Variants in PPP2R5C observed in about 807,000 individuals in gnomAD.
PPP2R5C encodes protein phosphatase 2 regulatory subunit B'gamma, also known as serine/threonine-protein phosphatase 2A 56 kDa regulatory subunit gamma isoform.
A neutral mutation model predicts 68.9 loss-of-function variants in PPP2R5C; 7 were observed. The ratio of observed to expected loss-of-function variants is 0.10; its 90% CI spans 0.06 to 0.19. The LOEUF is 0.19. Ranked by LOEUF, PPP2R5C falls within the 10% of genes least tolerant of loss-of-function variation. PPP2R5C has a pLI of 1.00. For synonymous variants in PPP2R5C, 210 were observed against 222.2 expected, an observed-to-expected ratio of 0.95 and a Z score of 0.49; for missense variants, 348 against 641.3, an observed-to-expected ratio of 0.54 and a Z score of 4.94.
Position 101,825,842 on chromosome 14 carries a change from G to A in PPP2R5C, c.94+15806G>A, listed in dbSNP as rs893597201. Among the ~76,000 whole-genome samples, 13 of 152,252 alleles carry A rather than the reference G, an allele frequency of 8.5e-5. No individual in the cohort carries two copies. Among genetic ancestry groups the A allele is most frequent in the African/African-American group, 2.9e-4 (12 of 41,546 alleles). On this transcript the variant is annotated intron_variant, in intron 1 of 13. Coordinates refer to ENST00000334743, the Ensembl canonical transcript of PPP2R5C. The surrounding 1 kb of genome is among the most constrained non-coding windows in gnomAD (Gnocchi z 4.0). ...TAAGGGAAATTTAAGAAGGAAGTTG[G>A]GGAAGGTAGGACCTCATGGCTTTGG...
At chr14:101,798,182 A>T (rs1385367434) in intron 3 of PPP2R5C, among the ~76,000 whole-genome samples, 1 of 151,188 alleles carries the variant, frequency 6.6e-6, no homozygotes, top group Non-Finnish European at 1.5e-5. Context: ...TGGCCAGCGC[A>T]GTGTGAGTGC....
intron 11 of PPP2R5C, among the ~76,000 whole-genome samples, chr14:101,911,462 A>C (rs2046386909): frequency 6.6e-6 from 1 of 152,230 alleles, no homozygotes; most frequent in Non-Finnish European, 1.5e-5. Context: ...CTCAGCTCTC[A>C]GTGCAGTTCG....
intron 2 of PPP2R5C, among the ~76,000 whole-genome samples, chr14:101,768,228 G>A (rs2036958791): frequency 6.6e-6 from 1 of 152,096 alleles, no homozygotes; most frequent in African/African-American, 2.4e-5. Context: ...GCACTATAAA[G>A]ACACCTTTCC....
At position 101,906,884 on chromosome 14, in the gene PPP2R5C, T is replaced by C. The variant is rs1356415832; in HGVS notation, c.1151+355T>C. Among the ~76,000 whole-genome samples the C allele has an allele frequency of 1.3e-5, 2 of 152,092 alleles. No individual in the cohort carries two copies. The highest frequency in any genetic ancestry group is 3.9e-4 in the East Asian group (2 of 5,158). On this transcript the variant is annotated intron_variant, in intron 10 of 13. Transcript: ENST00000334743. This position sits in a 1 kb window ranked among gnomAD's most constrained non-coding sequence, Gnocchi z 4.0. Reference sequence around the variant, plus strand: ...CACAGTGGCCACTGCATTCTCGGGGTGTCTATTGAGCTCTGCTGACATGCA... The same window carrying C: ...CACAGTGGCCACTGCATTCTCGGGGCGTCTATTGAGCTCTGCTGACATGCA...
intron 3 of PPP2R5C, among the ~76,000 whole-genome samples, chr14:101,804,222 T>A (rs2038984964): frequency 6.6e-6 from 1 of 152,160 alleles, no homozygotes; most frequent in African/African-American, 2.4e-5. Context: ...AAGCAATAAC[T>A]AATGCTGGAG....
chr14:101,912,205 A>T (rs1942642448), intron 11 of PPP2R5C, among the ~76,000 whole-genome samples, 196 bp from the exon 14 acceptor site: 1 of 152,156 alleles, frequency 6.6e-6, no homozygotes, highest in Non-Finnish European at 1.5e-5. Flanking sequence ...GACATGTTAA[A>T]TTTTTTTATA....
intron 13 of PPP2R5C, among the ~76,000 whole-genome samples, chr14:101,922,701 C>G (rs906233944): frequency 6.6e-6 from 1 of 151,474 alleles, no homozygotes; most frequent in Admixed American, 6.6e-5. Context: ...GCCTGTAGTC[C>G]TAGCTACTCA....
chr14:101,880,025 C>T (rs1035144185), intron 2 of PPP2R5C, among the ~76,000 whole-genome samples: 2 of 152,304 alleles, frequency 1.3e-5, no homozygotes, highest in East Asian at 1.9e-4. Context: ...CCCCTGTCTG[C>T]GCCGAGTGCC....
At chr14:101,771,378 C>G (rs1376602193) in intron 2 of PPP2R5C, among the ~76,000 whole-genome samples, 1 of 151,918 alleles carries the variant, frequency 6.6e-6, no homozygotes, top group Non-Finnish European at 1.5e-5. Context: ...CCTCAGCCTC[C>G]CAAGTAGCTG....
upstream of PPP2R5C, among the ~76,000 whole-genome samples, chr14:101,808,142 C>A (rs764476767): frequency 6.6e-6 from 1 of 151,488 alleles, no homozygotes; most frequent in African/African-American, 2.4e-5. Context: ...GAGTCATCAA[C>A]ACTGCTTCCT....
exon 2 of PPP2R5C, chr14:101,762,957 C>T: frequency 1.9e-6 from 3 of 1,576,246 alleles, no homozygotes; most frequent in Non-Finnish European, 2.6e-6. Context: ...GGACAAGACA[C>T]AGTAGAATCA....
chr14:101,871,075 C>T (rs1172513142), intron 2 of PPP2R5C, among the ~76,000 whole-genome samples: 2 of 152,146 alleles, frequency 1.3e-5, no homozygotes, highest in Non-Finnish European at 2.9e-5. Context: ...TCCGTCTCAC[C>T]TTAATATAGC....
chr14:101,823,462 T>G (rs1376411969), intron 1 of PPP2R5C, among the ~76,000 whole-genome samples: 1 of 152,168 alleles, frequency 6.6e-6, no homozygotes, highest in Non-Finnish European at 1.5e-5. Flanking sequence ...TCGGAGTAAT[T>G]CGGTACCCTC....
intron 2 of PPP2R5C, among the ~76,000 whole-genome samples, chr14:101,862,387 T>G (rs1004496951): frequency 1.3e-5 from 2 of 152,198 alleles, no homozygotes; most frequent in African/African-American, 4.8e-5. Flanking sequence ...ACAAGTATTT[T>G]CCAAATGACC....
chr14:101,779,222 C>T (rs759143766), intron 2 of PPP2R5C, among the ~76,000 whole-genome samples: 5 of 152,092 alleles, frequency 3.3e-5, no homozygotes, highest in Non-Finnish European at 4.4e-5. Flanking sequence ...GTGAAGGAGA[C>T]GCAGCAAGCT....
chr14:101,762,758 G>T lies in PPP2R5C; in HGVS notation c.28-147G>T. On this transcript the variant is annotated intron_variant, in intron 1 of 14. Transcript: ENST00000328724. ...CATTGCACTGTTGGAATCCTAAACG[G>T]TATGATATAGAATTTCCTAATGGTA... The T allele has an allele frequency of 4.3e-6, 3 of 692,062 alleles. No homozygotes were observed. The South Asian group carries it at 5.5e-5, about 13-fold the overall frequency. The allele number at this position is 692,062 out of a possible 1,614,324, so 42.9% of individuals were successfully genotyped here. A position where few individuals can be genotyped will look rare whatever the true frequency, so the allele number is the denominator to read the frequency against.
intron 1 of PPP2R5C, among the ~76,000 whole-genome samples, chr14:101,831,431 T>C (rs2040733808): frequency 6.6e-6 from 1 of 152,210 alleles, no homozygotes; most frequent in Admixed American, 6.5e-5. Context: ...TGAATGGAGC[T>C]ATTCAACAGT....
rs1002599178 is a variant in PPP2R5C, at chr14:101,906,374, C to T, written c.1024-28C>T. The T allele has an allele frequency of 6.4e-7, 1 of 1,566,756 alleles. No individual in the cohort carries two copies. The highest frequency in any genetic ancestry group is 8.6e-7 in the Non-Finnish European group (1 of 1,157,824). ...CACCTGATGTCTCAGGCACAACCTC[C>T]AGCAAGCCATCCACTTGTGTCTTTC... is the stretch of plus-strand genomic sequence containing the variant. On this transcript the variant is annotated intron_variant, in intron 9 of 13. Transcript: ENST00000334743. The surrounding 1 kb of genome is among the most constrained non-coding windows in gnomAD (Gnocchi z 4.0).
intron 13 of PPP2R5C, among the ~76,000 whole-genome samples, chr14:101,924,668 C>G (rs1358055836): frequency 6.6e-6 from 1 of 151,838 alleles, no homozygotes; most frequent in Non-Finnish European, 1.5e-5. Flanking sequence ...ATCTTGACCT[C>G]TTGACCTCGT....
Sources: allele counts gnomAD v4.1 joint callset (sites outside exome capture counted in the v4.1 genomes callset), GRCh38; gene constraint gnomAD v4.1.1; non-coding constraint Gnocchi (gnomAD v3.1); transcripts MANE v1.5; gene names NCBI Gene and HGNC (gene_info 2026-07-23, HGNC 2026-07-21).